The following CAST variants were observed in gnomAD, a reference collection of about 807,000 sequenced individuals.
CAST encodes the protein MIR583 host.
In CAST, 76 loss-of-function variants were observed where a neutral mutation model predicts 119.6. The observed-to-expected ratio is 0.64, with a 90% CI of 0.53 to 0.77. The LOEUF (loss-of-function observed/expected upper bound fraction) is 0.77. Among genes scored for constraint, CAST ranks in the 30% least tolerant of loss-of-function variants. The probability of loss-of-function intolerance (pLI) is 0.00; values close to 1 mark genes in which losing one functional copy is unlikely to be tolerated. For synonymous variants in CAST, 319 were observed against 331.6 expected (o/e 0.96, Z 0.41); for missense variants, 953 against 946.5 (o/e 1.01, Z -0.09).
At chr5:96,468,663 G>T in the CAST span, among the ~76,000 whole-genome samples, 22 of 152,222 alleles carry the variant, frequency 1.4e-4, no homozygotes, top group African/African-American at 4.8e-4. Context: ...TACAATTAAA[G>T]TTGGTTTTAG....
chr5:96,746,306 T>C, intron 16 of CAST, 36 bp from the exon 17 acceptor site: 1 of 1,183,058 alleles, frequency 8.5e-7, no homozygotes, highest in Non-Finnish European at 1.3e-6. Flanking sequence ...ATGTGCATTA[T>C]CCAACTACTT....
chr5:95,981,748 G>A, the CAST span, among the ~76,000 whole-genome samples: 23 of 152,260 alleles, frequency 1.5e-4, no homozygotes, highest in African/African-American at 4.6e-4. Context: ...GGTGGCATGC[G>A]CCGGTAGTCC....
the CAST span, among the ~76,000 whole-genome samples, chr5:96,223,004 G>T: frequency 7.2e-5 from 11 of 152,096 alleles, no homozygotes; most frequent in Admixed American, 4.6e-4. Context: ...AAATAAACCA[G>T]GCATGGAAAG....
At chr5:96,097,313 A>T in the CAST span, among the ~76,000 whole-genome samples, 24 of 149,742 alleles carry the variant, frequency 1.6e-4, no homozygotes, top group African/African-American at 5.6e-4. Flanking sequence ...ATTTCAAGGT[A>T]GGATGAGCTC....
At chr5:96,516,546 A>G in the CAST span, among the ~76,000 whole-genome samples, 1 of 152,156 alleles carries the variant, frequency 6.6e-6, no homozygotes, top group Non-Finnish European at 1.5e-5. Context: ...TGGTTGTTAG[A>G]GTTGTTTTGC....
At position 96,625,502 on chromosome 5, in the gene CAST, G is replaced by A. The variant is rs183251261; in HGVS notation, c.61-50037G>A. ...TTTGCCACCATATCTGGAGTCTTGG[G>A]CATTTCCCCTATCCTCTCTGTGCTT... On this transcript the variant is annotated intron_variant, in intron 1 of 11. Coordinates refer to the CAST transcript ENST00000505143. Among the ~76,000 whole-genome samples, 1,298 of 152,252 alleles carry A rather than the reference G, an allele frequency of 8.5e-3. 9 individuals carry two copies. Among genetic ancestry groups the A allele is most frequent in the South Asian group, 0.017 (81 of 4,820 alleles).
chr5:96,394,337 T>G, the CAST span, among the ~76,000 whole-genome samples: 1 of 152,348 alleles, frequency 6.6e-6, no homozygotes, highest in East Asian at 1.9e-4. Context: ...TCCTCTGAAA[T>G]TTTTTGAGAA....
chr5:96,611,233 C>T (rs1296188040), intron 1 of CAST, among the ~76,000 whole-genome samples: 1 of 152,070 alleles, frequency 6.6e-6, no homozygotes, highest in Non-Finnish European at 1.5e-5. Context: ...GTAACCAAAA[C>T]AGCATGGTAC....
At chr5:96,507,245 G>A in the CAST span, among the ~76,000 whole-genome samples, 26,856 of 151,984 alleles carry the variant, frequency 0.18, 2,584 homozygotes, top group Middle Eastern at 0.2. Flanking sequence ...AAAGGGGCAC[G>A]TAAACTAAAT....
intron 1 of CAST, among the ~76,000 whole-genome samples, chr5:96,539,731 T>A (rs1745879857): frequency 2.0e-5 from 3 of 152,168 alleles, no homozygotes; most frequent in Admixed American, 2.0e-4. Context: ...AAAAAGTGAA[T>A]CTAAAAGAAT....
the CAST span, among the ~76,000 whole-genome samples, chr5:96,280,890 C>A: frequency 6.6e-6 from 1 of 152,130 alleles, no homozygotes; most frequent in Non-Finnish European, 1.5e-5. Context: ...CTTTCAGTCC[C>A]TCCTGTACTT....
chr5:96,579,910 C>G (rs750279774), intron 1 of CAST, among the ~76,000 whole-genome samples: 2 of 152,168 alleles, frequency 1.3e-5, no homozygotes, highest in Non-Finnish European at 2.9e-5. Flanking sequence ...TTTCAGGCAC[C>G]GCTGCCGTGG....
intron 3 of CAST, among the ~76,000 whole-genome samples, chr5:96,696,467 C>T (rs901200771): frequency 4.6e-5 from 7 of 152,058 alleles, no homozygotes; most frequent in Admixed American, 1.3e-4. Context: ...CTTATAAACT[C>T]CATCTAAGCA....
the CAST span, among the ~76,000 whole-genome samples, chr5:96,376,429 T>A: frequency 6.6e-6 from 1 of 151,684 alleles, no homozygotes; most frequent in Non-Finnish European, 1.5e-5. Flanking sequence ...TTTAAAAAAA[T>A]TATTTCTATT....
At chr5:96,626,414 A>C (rs1484981685) in intron 1 of CAST, among the ~76,000 whole-genome samples, 1 of 152,074 alleles carries the variant, frequency 6.6e-6, no homozygotes, top group East Asian at 1.9e-4. Flanking sequence ...CATAACTGAC[A>C]CAGGCCTCTT....
chr5:96,278,254 CAG>C, the CAST span, among the ~76,000 whole-genome samples: 1 of 152,126 alleles, frequency 6.6e-6, no homozygotes, highest in Admixed American at 6.5e-5. Flanking sequence ...AGTTGCACAG[CAG>C]ACTGTTCCTC....
chr5:96,718,706 T>C (rs1757635442), intron 3 of CAST, among the ~76,000 whole-genome samples: 1 of 152,146 alleles, frequency 6.6e-6, no homozygotes, highest in African/African-American at 2.4e-5. Flanking sequence ...GCCAATGGAT[T>C]GTCAAGTGGA....
the CAST span, among the ~76,000 whole-genome samples, chr5:96,237,132 A>T: frequency 6.6e-6 from 1 of 152,172 alleles, no homozygotes; most frequent in Non-Finnish European, 1.5e-5. Flanking sequence ...GAAATCACTG[A>T]TGTTTAACAG....
chr5:96,569,319 GAA>G, intron 1 of CAST, among the ~76,000 whole-genome samples: 1 of 152,328 alleles, frequency 6.6e-6, no homozygotes, highest in East Asian at 1.9e-4. Flanking sequence ...CATTCATGAT[GAA>G]AAGTCAAACT....
Sources: allele counts gnomAD v4.1 joint callset (sites outside exome capture counted in the v4.1 genomes callset), GRCh38; gene constraint gnomAD v4.1.1; transcripts MANE v1.5; gene names NCBI Gene and HGNC (gene_info 2026-07-23, HGNC 2026-07-21).